NOD1: variants seen among roughly 807,000 people sequenced by gnomAD.
NOD1 encodes the protein nucleotide binding oligomerization domain containing 1, also known as nucleotide-binding oligomerization domain-containing protein 1.
A neutral mutation model predicts 81.2 loss-of-function variants in NOD1; 70 were observed. That is an observed-to-expected ratio of 0.86 (90% CI 0.71 to 1.05). The LOEUF (loss-of-function observed/expected upper bound fraction) is 1.05, where lower values mean the gene tolerates loss of function less well. Among genes scored for constraint, NOD1 ranks in the 50% least tolerant of loss-of-function variants. The pLI, the probability that NOD1 is intolerant of heterozygous loss-of-function variation, is 0.00. For synonymous variants in NOD1, 508 were observed against 526.9 expected (o/e 0.96, Z 0.49); for missense variants, 1,233 against 1,228.0 (o/e 1.00, Z -0.06).
chr7:30,451,617 T>C lies in NOD1; in HGVS notation c.1800A>G (p.Lys600=). The C allele has an allele frequency of 2.5e-6, 4 of 1,613,890 alleles. No individual in the cohort carries two copies. In the South Asian group the frequency reaches 3.3e-5, roughly 13 times the overall value. The part of the protein sequence containing the change: ...LFLCGLLSKA[K]QKLLRHLVPA... ...GCACCAGATGCCGCAGGAGTTTCTG[T>C]TTGGCTTTGGACAACAGCCCGCACA... The change falls in exon 6 of 14, where the codon AAA becomes AAG. Residue 600 remains lysine, a synonymous_variant. Transcript: ENST00000222823. The surrounding 1 kb of genome is among the most constrained non-coding windows in gnomAD (Gnocchi z 4.2).
intron 1 of NOD1, among the ~76,000 whole-genome samples, chr7:30,464,269 C>A (rs1216004743): frequency 6.6e-6 from 1 of 152,246 alleles, no homozygotes; most frequent in Admixed American, 6.5e-5. Flanking sequence ...CCTTGCCCAG[C>A]AGCCTCTGCC....
At chr7:30,448,226 T>C (rs1785314562) in intron 7 of NOD1, 72 bp downstream of exon 7, 2 of 1,242,070 alleles carry the variant, frequency 1.6e-6, no homozygotes, top group Admixed American at 1.7e-5. Context: ...CAGGGACCTA[T>C]GGGAATGTGA....
chr7:30,455,100 C>T (rs1786201945), intron 5 of NOD1, 37 bp downstream of exon 5: 1 of 1,603,834 alleles, frequency 6.2e-7, no homozygotes, highest in Admixed American at 1.7e-5. Context: ...GCCCTGCTTG[C>T]ACTGGTGCCT....
chr7:30,468,810 G>A, intron 1 of NOD1: 2 of 984,612 alleles, frequency 2.0e-6, no homozygotes, highest in Non-Finnish European at 2.4e-6. Flanking sequence ...ATTCATTTTG[G>A]TGAATTTAAT....
At chr7:30,429,522 G>A (rs944662356) in intron 12 of NOD1, 65 bp from the exon 13 acceptor site, 1 of 1,385,038 alleles carries the variant, frequency 7.2e-7, no homozygotes, top group African/African-American at 1.4e-5. Context: ...CCTTCGTAAG[G>A]GAGTTGCAAG....
At chr7:30,429,585 A>T in intron 12 of NOD1, 128 bp from the exon 13 acceptor site, 1 of 739,358 alleles carries the variant, frequency 1.4e-6, no homozygotes, top group Non-Finnish European at 2.4e-6. Flanking sequence ...AGTCCATGTG[A>T]CTTTGTATCT....
intron 11 of NOD1, among the ~76,000 whole-genome samples, chr7:30,434,270 A>G (rs1422728906): frequency 6.6e-6 from 1 of 152,222 alleles, no homozygotes; most frequent in East Asian, 1.9e-4. Context: ...AAAGTGTAGA[A>G]TAACACATGG....
At position 30,429,376 on chromosome 7, in the gene NOD1, A is replaced by G; in HGVS notation, c.2787T>C (p.Ile929=). The change falls in exon 13 of 14, where the codon ATT becomes ATC. Residue 929 remains isoleucine, a splice_region_variant and synonymous_variant. Coordinates refer to ENST00000222823, the MANE Select transcript of NOD1 (RefSeq NM_006092.4). ...ALQSNTGITE[I]CLNGNLIKPE... is the part of the protein sequence containing the mutation. ...TGTGACAAACGCTGGGATCTTACCA[A>G]ATCTCTGTTATGCCAGTGTTGCTCT... The G allele has an allele frequency of 6.2e-7, 1 of 1,613,480 alleles. No individual in the cohort carries two copies. Among genetic ancestry groups the G allele is most frequent in the Non-Finnish European group, 8.5e-7 (1 of 1,179,336 alleles).
chr7:30,438,804 A>G (rs969580292), intron 9 of NOD1, among the ~76,000 whole-genome samples: 3 of 152,256 alleles, frequency 2.0e-5, no homozygotes, highest in Non-Finnish European at 2.9e-5. Flanking sequence ...ATAGATACAT[A>G]TAGTCTCACC....
intron 11 of NOD1, among the ~76,000 whole-genome samples, chr7:30,434,219 G>T (rs942572413): frequency 6.6e-6 from 1 of 152,202 alleles, no homozygotes; most frequent in Non-Finnish European, 1.5e-5. Context: ...AGTAGAGATC[G>T]TATAGAGTGG....
At position 30,461,159 on chromosome 7, in the gene NOD1, C is replaced by T. The variant is rs117840324; in HGVS notation, c.-351-1118G>A. Reference sequence around the variant, plus strand: ...ATACACTCAAAATATTTCAGTATGTCATCCATACAAAATTTATTTATTATT... The same window carrying T: ...ATACACTCAAAATATTTCAGTATGTTATCCATACAAAATTTATTTATTATT... On this transcript the variant is annotated intron_variant, in intron 1 of 13. Transcript: ENST00000222823. Among the ~76,000 whole-genome samples, 24 of 152,268 alleles carry T rather than the reference C, an allele frequency of 1.6e-4. 2 individuals are homozygous for T. The East Asian group carries it at 4.6e-3, about 29-fold the overall frequency.
chr7:30,460,977 T>A (rs1376263316), intron 1 of NOD1, among the ~76,000 whole-genome samples: 1 of 152,184 alleles, frequency 6.6e-6, no homozygotes, highest in African/African-American at 2.4e-5. Flanking sequence ...GATTGCAGGA[T>A]GGCGGATCTT....
At chr7:30,436,245 G>A (rs746142517) in intron 10 of NOD1, among the ~76,000 whole-genome samples, 164 bp from the exon 11 acceptor site, 5 of 152,234 alleles carry the variant, frequency 3.3e-5, no homozygotes, top group African/African-American at 9.6e-5. Flanking sequence ...GTGCCCAGGC[G>A]CTGCTGCCCC....
At chr7:30,468,603 T>C (rs1274122874) in intron 1 of NOD1, among the ~76,000 whole-genome samples, 1 of 152,236 alleles carries the variant, frequency 6.6e-6, no homozygotes, top group African/African-American at 2.4e-5. Flanking sequence ...TATTCATTTA[T>C]TGAATGAACT....
chr7:30,446,093 C>CT (rs748151869), intron 9 of NOD1, 48 bp downstream of exon 9: 11 of 1,325,420 alleles, frequency 8.3e-6, no homozygotes, highest in Middle Eastern at 1.9e-4. Flanking sequence ...GCCCGCCCCC[C>CT]ACACACACAG....
At chr7:30,436,279 G>C (rs1562659460) in intron 10 of NOD1, among the ~76,000 whole-genome samples, 198 bp from the exon 11 acceptor site, 2 of 152,200 alleles carry the variant, frequency 1.3e-5, no homozygotes, top group Non-Finnish European at 2.9e-5. Flanking sequence ...AGAGCACAAG[G>C]GCAGGCTGGA....
At chr7:30,477,467 C>G (rs529201712) in intron 1 of NOD1, among the ~76,000 whole-genome samples, 1 of 152,136 alleles carries the variant, frequency 6.6e-6, no homozygotes, top group Non-Finnish European at 1.5e-5. Context: ...AGAACAAACT[C>G]GACCCTTTGG....
intron 1 of NOD1, among the ~76,000 whole-genome samples, chr7:30,468,601 T>A (rs1213055861): frequency 6.6e-6 from 1 of 152,246 alleles, no homozygotes; most frequent in Non-Finnish European, 1.5e-5. Context: ...GATATTCATT[T>A]ATTGAATGAA....
At position 30,452,150 on chromosome 7, in the gene NOD1, C is replaced by T. The variant is rs777696299; in HGVS notation, c.1267G>A (p.Asp423Asn). ...QLPDCTMTLTDVFLLVTEVHL... is the reference protein window; with the variant it reads ...QLPDCTMTLTNVFLLVTEVHL... ...ACCTCAGTGACCAGGAGGAAGACAT[C>T]TGTCAGGGTCATCGTGCAGTCGGGC... Residue 423 changes from aspartate (D) to asparagine (N), a missense_variant, in exon 6 of 14, where the codon GAT becomes AAT. Physicochemically the swap from Asp to Asn is conservative, Grantham distance 23 (BLOSUM62 1). Transcript: ENST00000222823. 1 of 1,613,896 alleles carries T rather than the reference C, an allele frequency of 6.2e-7. No homozygotes were observed. The highest frequency in any genetic ancestry group is 1.3e-5 in the African/African-American group (1 of 74,942).
Sources: allele counts gnomAD v4.1 joint callset (sites outside exome capture counted in the v4.1 genomes callset), GRCh38; gene constraint gnomAD v4.1.1; non-coding constraint Gnocchi (gnomAD v3.1); transcripts MANE v1.5; gene names NCBI Gene and HGNC (gene_info 2026-07-23, HGNC 2026-07-21).